SYCP2: variants seen among roughly 807,000 people sequenced by gnomAD.
The protein encoded by SYCP2 is synaptonemal complex lateral element protein.
SYCP2 carries 55 observed loss-of-function variants against 211.3 expected under a neutral mutation model. That is an observed-to-expected ratio of 0.26 (90% CI 0.21 to 0.33). The LOEUF is 0.33. Among genes scored for constraint, SYCP2 ranks in the 10% least tolerant of loss-of-function variants. SYCP2 has a pLI of 1.00. For synonymous variants in SYCP2, 570 were observed against 555.2 expected (o/e 1.03, Z -0.37); for missense variants, 1,731 against 1,752.0 (o/e 0.99, Z 0.21).
intron 33 of SYCP2, among the ~76,000 whole-genome samples, 162 bp downstream of exon 33, chr20:59,877,223 T>G (rs557499992): frequency 6.6e-6 from 1 of 152,388 alleles, no homozygotes; most frequent in East Asian, 1.9e-4. Flanking sequence ...AAATTTAGCA[T>G]TATATTGCCT....
At chr20:59,918,348 A>G (rs2060481191) in intron 7 of SYCP2, among the ~76,000 whole-genome samples, 1 of 152,220 alleles carries the variant, frequency 6.6e-6, no homozygotes, top group African/African-American at 2.4e-5. Flanking sequence ...AAGCAATGCT[A>G]TGCTGCTTTA....
chr20:59,891,897 A>T (rs903444392), intron 24 of SYCP2, 93 bp downstream of exon 24: 37 of 1,089,032 alleles, frequency 3.4e-5, no homozygotes, highest in Non-Finnish European at 4.3e-5. Context: ...ACACATGTTA[A>T]ATGTGTAGCA....
intron 2 of SYCP2, 38 bp from the exon 3 acceptor site, chr20:59,922,497 CT>C: frequency 9.5e-7 from 1 of 1,048,108 alleles, no homozygotes; most frequent in Non-Finnish European, 1.4e-6. Flanking sequence ...ATCTCACAAT[CT>C]GTTTCATGTG....
In SYCP2 at chr20:59,929,781, G is replaced by A. The variant is rs192330909; in HGVS notation, c.-47+2281C>T. Among the ~76,000 whole-genome samples the A allele has an allele frequency of 2.6e-5, 4 of 151,668 alleles. No homozygotes were observed. The East Asian group carries it at 7.7e-4, about 29-fold the overall frequency. Reference sequence around the variant, plus strand: ...AATACTGGGCATATGAACATTGGATGATTTGCACAGGTAAAGAAAATAACC... The same window carrying A: ...AATACTGGGCATATGAACATTGGATAATTTGCACAGGTAAAGAAAATAACC... On this transcript the variant is annotated intron_variant, in intron 2 of 44. Coordinates refer to ENST00000357552, the MANE Select transcript of SYCP2 (RefSeq NM_014258.4).
chr20:59,885,545 A>C (rs962633537), intron 26 of SYCP2, among the ~76,000 whole-genome samples: 5 of 152,162 alleles, frequency 3.3e-5, no homozygotes, highest in Non-Finnish European at 7.4e-5. Context: ...TTTATATTAT[A>C]AGCCTGGATA....
chr20:59,916,676 A>C lies in SYCP2; in HGVS notation c.428-105T>G, dbSNP rs547064985. On this transcript the variant is annotated intron_variant, in intron 7 of 44. Transcript: ENST00000357552. ...GGAAAGGGGCCAGGCATGGTAACTC[A>C]GGCCTATAATCCTAGCACTTTGGAA... 9.4e-6 allele frequency: 7 copies of C among 742,098 alleles called. No individual in the cohort carries two copies. In the South Asian group the frequency reaches 1.2e-4, roughly 12 times the overall value. The allele number at this position is 742,098 out of a possible 1,614,324, so 46.0% of individuals were successfully genotyped here. A position where few individuals can be genotyped will look rare whatever the true frequency, so the allele number is the denominator to read the frequency against.
intron 15 of SYCP2, among the ~76,000 whole-genome samples, chr20:59,903,340 G>A (rs574283506): frequency 6.6e-6 from 1 of 152,020 alleles, no homozygotes; most frequent in Non-Finnish European, 1.5e-5. Flanking sequence ...ACATAAGAAT[G>A]AATAGGAAGA....
intron 14 of SYCP2, among the ~76,000 whole-genome samples, chr20:59,908,288 A>G (rs748877069): frequency 6.6e-6 from 1 of 152,150 alleles, no homozygotes; most frequent in Non-Finnish European, 1.5e-5. Flanking sequence ...ACGAAAAAAA[A>G]CTAAATACTT....
intron 12 of SYCP2, among the ~76,000 whole-genome samples, chr20:59,912,788 T>C (rs1600953178): frequency 6.6e-6 from 1 of 152,208 alleles, no homozygotes; most frequent in Non-Finnish European, 1.5e-5. Context: ...ATGAGGGCAG[T>C]TTCTCCCACA....
rs3834664 is a variant in SYCP2 at position 59,922,801 on chromosome 20, GA to G, written c.-46-343del. On this transcript the variant is annotated intron_variant, in intron 2 of 44. Coordinates refer to ENST00000357552, the MANE Select transcript of SYCP2 (RefSeq NM_014258.4). The stretch of plus-strand genomic sequence containing the variant: ...TACTTGTTCCACCTCTGAGAACAAG[GA>G]AAAAAAAAAACTCTTGAATTAATGT... 7.6e-4 allele frequency among the ~76,000 whole-genome samples: 106 copies of G among 140,282 alleles called. 1 individual carries two copies. In the South Asian group the frequency reaches 0.018, roughly 24 times the overall value. 92.0% of individuals were successfully genotyped at this position (140,282 alleles called of 152,430 possible). A position where few individuals can be genotyped will look rare whatever the true frequency, so the allele number is the denominator to read the frequency against.
chr20:59,919,583 A>C lies in SYCP2; in HGVS notation c.312T>G (p.Phe104Leu). 1 of 1,605,954 alleles carries C rather than the reference A, an allele frequency of 6.2e-7. No individual in the cohort carries two copies. Among genetic ancestry groups the C allele is most frequent in the Non-Finnish European group, 8.5e-7 (1 of 1,174,906 alleles). Residue 104 changes from phenylalanine (F) to leucine (L), a missense_variant, in exon 6 of 45, where the codon TTT (phenylalanine) becomes TTG (leucine). Phe to Leu is a conservative substitution (Grantham distance 22, BLOSUM62 0). Transcript: ENST00000357552. ...QGLIQKMVAW[F>L]EKSKDIIQSQ... ...TCTGAATAATGTCCTTGGATTTTTC[A>C]AACCAGGCAACCATGTAAAAAAAGG...
chr20:59,915,280 T>G, intron 9 of SYCP2, 81 bp from the exon 10 acceptor site: 1 of 1,184,326 alleles, frequency 8.4e-7, no homozygotes, highest in South Asian at 1.4e-5. Flanking sequence ...GAAAAGAAAC[T>G]TCACAAAAAT....
Position 59,900,202 on chromosome 20 carries a change from A to G in SYCP2, c.1340T>C (p.Phe447Ser). The G allele has an allele frequency of 1.9e-6, 3 of 1,613,286 alleles. No individual in the cohort carries two copies. Among genetic ancestry groups the G allele is most frequent in the Non-Finnish European group, 2.5e-6 (3 of 1,179,608 alleles). Reference protein sequence around the residue: ...LKEKSKSPKEFAKPSKYIKNS... With the variant: ...LKEKSKSPKESAKPSKYIKNS... ...TTTGATATATTTTGAAGGTTTAGCA[A>G]ATTCCTTTGGGGACTTTGATTTTTC... The change falls in exon 18 of 45, where the codon TTT becomes TCT. Residue 447 changes from phenylalanine to serine, a missense_variant. Physicochemically the swap from Phe to Ser is radical, Grantham distance 155. This residue lies in a region of SYCP2 where 1,387 missense variants were observed against 1,351.3 expected (regional missense o/e 1.03). Coordinates refer to ENST00000357552, the MANE Select transcript of SYCP2 (RefSeq NM_014258.4).
intron 11 of SYCP2, 24 bp from the exon 12 acceptor site, chr20:59,914,051 T>C (rs2060384535): frequency 4.4e-6 from 7 of 1,576,690 alleles, no homozygotes; most frequent in South Asian, 3.5e-5. Context: ...GAAATACTTT[T>C]AAAAATCATA....
intron 30 of SYCP2, 48 bp from the exon 31 acceptor site, chr20:59,880,519 T>G (rs2059656166): frequency 8.6e-7 from 1 of 1,165,980 alleles, no homozygotes; most frequent in Non-Finnish European, 1.2e-6. Flanking sequence ...CATCTCATTA[T>G]GTCATGCAAG....
At chr20:59,930,296 T>C (rs192973700) in intron 2 of SYCP2, among the ~76,000 whole-genome samples, 6 of 151,910 alleles carry the variant, frequency 3.9e-5, no homozygotes, top group Admixed American at 2.6e-4. Context: ...AGTCGGGGAG[T>C]GTGAAGCCAC....
chr20:59,885,511 T>A (rs1403772755), intron 26 of SYCP2, among the ~76,000 whole-genome samples: 1 of 151,938 alleles, frequency 6.6e-6, no homozygotes. Context: ...AGAGAGCAAC[T>A]GTGAGGAATT....
intron 14 of SYCP2, among the ~76,000 whole-genome samples, chr20:59,909,694 C>CA (rs1003269476): frequency 1.1e-4 from 16 of 152,330 alleles, no homozygotes; most frequent in African/African-American, 3.6e-4. Flanking sequence ...GTACATCTTT[C>CA]AATTCTTTCA....
At position 59,895,531 on chromosome 20, in the gene SYCP2, C is replaced by T; in HGVS notation, c.1571G>A (p.Ser524Asn). 6.2e-7 allele frequency: 1 copy of T among 1,611,032 alleles called. No individual in the cohort carries two copies. The highest frequency in any genetic ancestry group is 8.5e-7 in the Non-Finnish European group (1 of 1,177,634). The change falls in exon 20 of 45, where the codon AGT (serine) becomes AAT (asparagine). Residue 524 changes from serine to asparagine, a missense_variant. Physicochemically the swap from Ser to Asn is conservative, Grantham distance 46. Around this residue, in one of 3 missense-constraint regions of SYCP2, gnomAD observed 1,387 missense variants for 1,351.3 expected, o/e 1.03. Coordinates refer to ENST00000357552, the MANE Select transcript of SYCP2 (RefSeq NM_014258.4). ...TCTATTTTCTGATGTTTGAGAAACA[C>T]TAGGTTTCTCTGCAGAGCTCGTCAT... ...LQMTSSAEKP[S>N]VSQTSENRVD...
Sources: gnomAD v4.1 joint callset for allele counts (sites outside exome capture counted in the v4.1 genomes callset) on GRCh38, gnomAD v4.1.1 for gene constraint, gnomAD v4.1.1 regional missense constraint, MANE v1.5 for transcripts, NCBI Gene and HGNC (gene_info 2026-07-23, HGNC 2026-07-21) for gene names.